Variants in AUTS2 observed in about 807,000 individuals in gnomAD.
The protein encoded by AUTS2 is activator of transcription and developmental regulator AUTS2, also known as autism susceptibility gene 2 protein.
AUTS2 carries 17 observed loss-of-function variants against 112.4 expected under a neutral mutation model. That is an observed-to-expected ratio of 0.15 (90% CI 0.10 to 0.23). The LOEUF (loss-of-function observed/expected upper bound fraction) is 0.23, where lower values mean the gene tolerates loss of function less well. Ranked by LOEUF, AUTS2 falls within the 10% of genes least tolerant of loss-of-function variation. The pLI, the probability that AUTS2 is intolerant of heterozygous loss-of-function variation, is 1.00. For missense variants in AUTS2, 1,510 were observed against 1,701.6 expected, an observed-to-expected ratio of 0.89 and a Z score of 1.98; for synonymous variants, 751 against 702.7, an observed-to-expected ratio of 1.07 and a Z score of -1.09.
intron 6 of AUTS2, among the ~76,000 whole-genome samples, chr7:70,730,352 A>G (rs185680197): frequency 1.3e-5 from 2 of 152,216 alleles, no homozygotes; most frequent in East Asian, 1.9e-4. Flanking sequence ...TATCACTACA[A>G]TTAATTTTAG....
At chr7:70,011,711 T>G (rs1799814895) in intron 2 of AUTS2, among the ~76,000 whole-genome samples, 1 of 152,114 alleles carries the variant, frequency 6.6e-6, no homozygotes, top group East Asian at 1.9e-4. Flanking sequence ...AAAATCATCT[T>G]TCATATTTCA....
At chr7:70,230,706 C>T (rs984025295) in intron 4 of AUTS2, among the ~76,000 whole-genome samples, 2 of 152,194 alleles carry the variant, frequency 1.3e-5, no homozygotes, top group African/African-American at 2.4e-5. Context: ...TAAGTAGGAT[C>T]GCATCAATGC....
At chr7:70,166,312 A>T (rs1189720373) in intron 4 of AUTS2, among the ~76,000 whole-genome samples, 2 of 152,226 alleles carry the variant, frequency 1.3e-5, no homozygotes, top group Non-Finnish European at 2.9e-5. Context: ...TAATTAATGC[A>T]TATGCAACAA....
At chr7:70,697,060 C>G (rs945605277) in intron 5 of AUTS2, among the ~76,000 whole-genome samples, 2 of 152,158 alleles carry the variant, frequency 1.3e-5, no homozygotes, top group Admixed American at 1.3e-4. Context: ...TTCAGTGTAG[C>G]ATCATCATGC....
intron 4 of AUTS2, among the ~76,000 whole-genome samples, chr7:70,320,680 G>C (rs993196706): frequency 6.6e-6 from 1 of 152,212 alleles, no homozygotes; most frequent in African/African-American, 2.4e-5. Context: ...CAAGGCAGAG[G>C]TAAGTGTGCC....
intron 2 of AUTS2, among the ~76,000 whole-genome samples, chr7:69,962,789 A>T (rs1377962370): frequency 6.6e-6 from 1 of 152,042 alleles, no homozygotes; most frequent in Non-Finnish European, 1.5e-5. Flanking sequence ...GGAGGGCTGA[A>T]AAAGAGAGAG....
intron 1 of AUTS2, among the ~76,000 whole-genome samples, chr7:69,745,412 A>G (rs1315731900): frequency 2.0e-5 from 3 of 152,112 alleles, no homozygotes; most frequent in African/African-American, 4.8e-5. Flanking sequence ...TTCTCATTTT[A>G]TGTTATCAGA....
chr7:70,023,958 C>G (rs538320429), intron 2 of AUTS2, among the ~76,000 whole-genome samples: 1 of 152,196 alleles, frequency 6.6e-6, no homozygotes, highest in Non-Finnish European at 1.5e-5. Flanking sequence ...GGTTTATAAA[C>G]TGCTTGGAGG....
chr7:70,641,285 C>T (rs1387823104), intron 5 of AUTS2, among the ~76,000 whole-genome samples: 1 of 152,196 alleles, frequency 6.6e-6, no homozygotes, highest in Non-Finnish European at 1.5e-5. Context: ...CGCGGTGGCT[C>T]ATGCCTGTAA....
Position 70,117,104 on chromosome 7 carries a change from G to GTTTTGTT in AUTS2, c.523-1024_523-1023insGTTTTTT, listed in dbSNP as rs1562710088. Reference sequence around the variant, plus strand: ...ACGTAAACTTCATGAGATGACTTTTGTTTTTTTTTTTTGTTTTTTTTTGTT... The same window carrying GTTTTGTT: ...ACGTAAACTTCATGAGATGACTTTTGTTTTGTTTTTTTTTTTTTTGTTTTTTTTTGTT... On this transcript the variant is annotated intron_variant, in intron 2 of 18. Transcript: ENST00000342771. Among the ~76,000 whole-genome samples, 8 of 78,456 alleles carry GTTTTGTT rather than the reference G, an allele frequency of 1.0e-4. 1 individual carries two copies. In the South Asian group the frequency reaches 1.3e-3, roughly 12 times the overall value. The allele number at this position is 78,456 out of a possible 152,430, so 51.5% of individuals were successfully genotyped here.
intron 12 of AUTS2, 126 bp downstream of exon 12, chr7:70,774,225 AG>A: frequency 1.2e-6 from 1 of 850,766 alleles, no homozygotes; most frequent in Non-Finnish European, 1.9e-6. Flanking sequence ...CTGTTCTTCT[AG>A]TTTGTGGAAG....
intron 4 of AUTS2, among the ~76,000 whole-genome samples, chr7:70,184,408 G>A (rs1809491305): frequency 1.3e-5 from 2 of 152,060 alleles, no homozygotes; most frequent in Admixed American, 6.6e-5. Flanking sequence ...CTGGAAATGG[G>A]GTGCCACATC....
rs115931018 is a variant in AUTS2, at chr7:70,486,108, T to C, written c.690+50327T>C. Among the ~76,000 whole-genome samples the C allele has an allele frequency of 9.7e-3, 1,483 of 152,308 alleles. 36 individuals carry two copies. The highest frequency in any genetic ancestry group is 0.034 in the African/African-American group (1,425 of 41,560). On this transcript the variant is annotated intron_variant, in intron 5 of 18. Transcript: ENST00000342771. ...TTGATGACATTAGGAAAAATAACTCTATTAAATCAGAAGTCTGCCTCTGCC... is the reference window on the plus strand; with the variant it reads ...TTGATGACATTAGGAAAAATAACTCCATTAAATCAGAAGTCTGCCTCTGCC...
chr7:70,175,883 G>T (rs747590985), intron 4 of AUTS2, among the ~76,000 whole-genome samples: 1 of 152,054 alleles, frequency 6.6e-6, no homozygotes, highest in African/African-American at 2.4e-5. Flanking sequence ...TAATTTTTGT[G>T]TTCACTGGGA....
At chr7:70,353,649 GA>G (rs933763197) in intron 4 of AUTS2, among the ~76,000 whole-genome samples, 1 of 152,178 alleles carries the variant, frequency 6.6e-6, no homozygotes, top group Non-Finnish European at 1.5e-5. Flanking sequence ...TTATTTAAGA[GA>G]AGGAAACACA....
intron 4 of AUTS2, among the ~76,000 whole-genome samples, chr7:70,251,445 T>C (rs769118262): frequency 4.6e-4 from 70 of 152,266 alleles, no homozygotes; most frequent in Admixed American, 8.5e-4. Flanking sequence ...TCCCCCGGGG[T>C]GACCACTTTT....
At chr7:70,685,293 T>G (rs528058208) in intron 5 of AUTS2, among the ~76,000 whole-genome samples, 41 of 151,426 alleles carry the variant, frequency 2.7e-4, no homozygotes, top group African/African-American at 9.9e-4. Flanking sequence ...GCCAACACGG[T>G]GAAATCCCGC....
At chr7:70,421,838 A>G (rs778717201) in intron 4 of AUTS2, among the ~76,000 whole-genome samples, 2 of 152,232 alleles carry the variant, frequency 1.3e-5, no homozygotes, top group Non-Finnish European at 1.5e-5. Flanking sequence ...TGGATACCAA[A>G]TTACTGCATA....
chr7:70,037,123 A>G (rs1237505562), intron 2 of AUTS2, among the ~76,000 whole-genome samples: 1 of 152,232 alleles, frequency 6.6e-6, no homozygotes, highest in Non-Finnish European at 1.5e-5. Context: ...ACATTATGCT[A>G]AGTAAAATAA....
Sources: gnomAD v4.1 joint callset for allele counts (sites outside exome capture counted in the v4.1 genomes callset) on GRCh38, gnomAD v4.1.1 for gene constraint, MANE v1.5 for transcripts, NCBI Gene and HGNC (gene_info 2026-07-23, HGNC 2026-07-21) for gene names.